Variants in UBAP1 observed in about 807,000 individuals in gnomAD.
UBAP1 encodes ubiquitin associated protein 1.
UBAP1 carries 5 observed loss-of-function variants against 39.0 expected under a neutral mutation model. The ratio of observed to expected loss-of-function variants is 0.13; its 90% confidence interval spans 0.07 to 0.27. The LOEUF (loss-of-function observed/expected upper bound fraction) is 0.27. Among genes scored for constraint, UBAP1 ranks in the 10% least tolerant of loss-of-function variants. The pLI is 1.00. For synonymous variants in UBAP1, 211 were observed against 225.1 expected, an observed-to-expected ratio of 0.94 and a Z score of 0.56; for missense variants, 490 against 608.1, an observed-to-expected ratio of 0.81 and a Z score of 2.04.
intron 1 of UBAP1, among the ~76,000 whole-genome samples, chr9:34,198,483 G>C (rs983485013): frequency 6.6e-6 from 1 of 152,172 alleles, no homozygotes; most frequent in African/African-American, 2.4e-5. Context: ...GCTATGCTCA[G>C]CTGAGGTCAG....
At chr9:34,237,886 G>A (rs1265385363) in intron 3 of UBAP1, among the ~76,000 whole-genome samples, 1 of 152,114 alleles carries the variant, frequency 6.6e-6, no homozygotes, top group Non-Finnish European at 1.5e-5. Context: ...CCTTTTTAAG[G>A]TATACATACA....
intron 1 of UBAP1, among the ~76,000 whole-genome samples, chr9:34,184,169 A>G (rs1385502602): frequency 1.3e-5 from 2 of 152,162 alleles, no homozygotes; most frequent in Non-Finnish European, 2.9e-5. Flanking sequence ...AACATTAGAA[A>G]ATAACTTGAA....
At chr9:34,224,036 C>T (rs1832905474) in intron 2 of UBAP1, 3 of 524,300 alleles carry the variant, frequency 5.7e-6, no homozygotes, top group South Asian at 6.4e-5. Context: ...CAACTCCTTC[C>T]CCTCTAGCAC....
intron 2 of UBAP1, among the ~76,000 whole-genome samples, chr9:34,227,018 A>G (rs1833145188): frequency 6.6e-6 from 1 of 152,162 alleles, no homozygotes; most frequent in South Asian, 2.1e-4. Flanking sequence ...TGATGTTTAC[A>G]ATATCTTGGC....
intron 1 of UBAP1, among the ~76,000 whole-genome samples, chr9:34,209,076 A>T (rs1831877606): frequency 6.6e-6 from 1 of 151,922 alleles, no homozygotes. Flanking sequence ...CTGGGATTAC[A>T]GGCATATGCC....
intron 1 of UBAP1, among the ~76,000 whole-genome samples, chr9:34,208,635 G>A (rs570585177): frequency 1.9e-3 from 285 of 152,104 alleles, no homozygotes; most frequent in African/African-American, 3.5e-3. Flanking sequence ...AAAATTAGCC[G>A]GACGTGGTGG....
chr9:34,225,728 C>T (rs990429162), intron 2 of UBAP1, among the ~76,000 whole-genome samples: 4 of 148,372 alleles, frequency 2.7e-5, no homozygotes, highest in South Asian at 2.1e-4. Context: ...TGCAGTGAGC[C>T]GAGATCACAC....
At chr9:34,201,152 T>C (rs1831347495) in intron 1 of UBAP1, 2 of 152,160 alleles carry the variant, frequency 1.3e-5, no homozygotes, top group Non-Finnish European at 2.9e-5. Context: ...TGACCTCAGG[T>C]GATCCACCAG....
intron 1 of UBAP1, among the ~76,000 whole-genome samples, chr9:34,197,668 G>C (rs1017738524): frequency 6.6e-6 from 1 of 152,110 alleles, no homozygotes; most frequent in African/African-American, 2.4e-5. Flanking sequence ...TCCTGCCTCA[G>C]CCTCCCCAGT....
Position 34,179,124 on chromosome 9 carries a change from G to A in UBAP1, c.-124G>A. ...CTGGCCCGGAGCGGGCAGAGTTGGA[G>A]GTGGTGGCGTTCGCTCTCCCTAGGG... On this transcript the variant is annotated 5_prime_UTR_variant, in exon 1 of 7. Transcript: ENST00000297661. 1.6e-6 allele frequency: 2 copies of A among 1,267,674 alleles called. No individual in the cohort carries two copies. Among genetic ancestry groups the A allele is most frequent in the South Asian group, 2.8e-5 (1 of 35,238 alleles). 78.5% of individuals were successfully genotyped at this position (1,267,674 alleles called of 1,614,324 possible). A position where few individuals can be genotyped will look rare whatever the true frequency, so the allele number is the denominator to read the frequency against.
chr9:34,229,996 T>C (rs1177981950), intron 2 of UBAP1, among the ~76,000 whole-genome samples: 5 of 151,988 alleles, frequency 3.3e-5, no homozygotes, highest in Admixed American at 6.6e-5. Context: ...CACAGTACTT[T>C]TGTAGTTTTT....
intron 1 of UBAP1, among the ~76,000 whole-genome samples, chr9:34,202,593 G>T (rs1216183965): frequency 6.9e-6 from 1 of 144,772 alleles, no homozygotes; most frequent in African/African-American, 2.6e-5. Flanking sequence ...AAGGGCTATG[G>T]GAGTTATGGG....
intron 1 of UBAP1, among the ~76,000 whole-genome samples, chr9:34,190,271 G>A (rs1248361936): frequency 1.3e-5 from 2 of 152,164 alleles, no homozygotes. Flanking sequence ...TCTTGAAGAA[G>A]AAATATTAGC....
intron 1 of UBAP1, among the ~76,000 whole-genome samples, chr9:34,220,214 A>G (rs1048854076): frequency 2.5e-5 from 3 of 121,250 alleles, no homozygotes; most frequent in African/African-American, 9.9e-5. Flanking sequence ...GTTCAGTGGC[A>G]CCTTCTTAAC....
chr9:34,224,213 T>C, intron 2 of UBAP1: 1 of 515,992 alleles, frequency 1.9e-6, no homozygotes, highest in Non-Finnish European at 3.5e-6. Flanking sequence ...AATCTCTTCT[T>C]CCTCAGGAGT....
At chr9:34,198,040 T>C (rs1292575372) in intron 1 of UBAP1, among the ~76,000 whole-genome samples, 2 of 152,234 alleles carry the variant, frequency 1.3e-5, no homozygotes, top group Admixed American at 6.5e-5. Flanking sequence ...GAATCTCTTG[T>C]TGAACTTGGT....
intron 1 of UBAP1, among the ~76,000 whole-genome samples, chr9:34,180,180 T>C (rs552887749): frequency 6.6e-6 from 1 of 152,274 alleles, no homozygotes; most frequent in Non-Finnish European, 1.5e-5. Context: ...TAGTCTTTAG[T>C]GATATATAGT....
At chr9:34,185,609 G>T (rs2131495121) in intron 1 of UBAP1, among the ~76,000 whole-genome samples, 1 of 152,136 alleles carries the variant, frequency 6.6e-6, no homozygotes, top group Non-Finnish European at 1.5e-5. Flanking sequence ...ACTTGGGGAG[G>T]CCCAGGCAGG....
chr9:34,249,663 C>T, intron 4 of UBAP1, 116 bp from the exon 5 acceptor site: 1 of 985,688 alleles, frequency 1.0e-6, no homozygotes, highest in Non-Finnish European at 1.5e-6. Flanking sequence ...TCCAACCTGA[C>T]CGCTTTTCTT....
Sources: allele counts gnomAD v4.1 joint callset (sites outside exome capture counted in the v4.1 genomes callset), GRCh38; gene constraint gnomAD v4.1.1; transcripts MANE v1.5; gene names NCBI Gene and HGNC (gene_info 2026-07-23, HGNC 2026-07-21).